The following SLC10A7 variants were observed in gnomAD, a reference collection of about 807,000 sequenced individuals.
The protein encoded by SLC10A7 is sodium/bile acid cotransporter 7.
SLC10A7 carries 29 observed loss-of-function variants against 43.2 expected under a neutral mutation model. That is an observed-to-expected ratio of 0.67 (90% CI 0.50 to 0.92). The LOEUF (loss-of-function observed/expected upper bound fraction) is 0.92, where lower values mean the gene tolerates loss of function less well. SLC10A7 is among the 40% of genes least tolerant of loss of function. SLC10A7 has a pLI of 0.00. For synonymous variants in SLC10A7, 152 were observed against 144.8 expected (o/e 1.05, Z -0.35); for missense variants, 295 against 403.2 (o/e 0.73, Z 2.30).
chr4:146,356,049 A>T (rs7666619), intron 5 of SLC10A7, among the ~76,000 whole-genome samples: 15,533 of 120,320 alleles, frequency 0.13, 937 homozygotes, highest in African/African-American at 0.17. Context: ...TAAAAAAAAA[A>T]AAATATATAT....
chr4:146,487,410 A>C (rs1490975236), intron 4 of SLC10A7, among the ~76,000 whole-genome samples: 3 of 152,292 alleles, frequency 2.0e-5, no homozygotes, highest in Middle Eastern at 6.8e-3. Flanking sequence ...CACTCCTCAG[A>C]ATTTTAATTC....
intron 9 of SLC10A7, among the ~76,000 whole-genome samples, chr4:146,285,813 A>C (rs1321916079): frequency 1.3e-5 from 2 of 152,100 alleles, no homozygotes; most frequent in Non-Finnish European, 2.9e-5. Flanking sequence ...GAGTGGTGAG[A>C]AAGACTGTGT....
intron 7 of SLC10A7, among the ~76,000 whole-genome samples, chr4:146,305,296 A>C (rs929927038): frequency 6.6e-6 from 1 of 151,474 alleles, no homozygotes; most frequent in Non-Finnish European, 1.5e-5. Context: ...GAAACTGGAA[A>C]TCATCATTCT....
intron 5 of SLC10A7, among the ~76,000 whole-genome samples, chr4:146,437,766 A>G (rs1730312818): frequency 6.6e-6 from 1 of 152,022 alleles, no homozygotes; most frequent in African/African-American, 2.4e-5. Flanking sequence ...AACATTTGAG[A>G]TTCTTGATCT....
chr4:146,364,478 GAATATGGATAGA>G (rs1054891316), intron 5 of SLC10A7, among the ~76,000 whole-genome samples: 168 of 152,172 alleles, frequency 1.1e-3, no homozygotes, highest in Middle Eastern at 3.4e-3. Flanking sequence ...TAGATTTGCA[GAATATGGATAGA>G]AATGGAAGAC....
chr4:146,471,029 G>A (rs1434077984), intron 4 of SLC10A7, among the ~76,000 whole-genome samples: 3 of 152,150 alleles, frequency 2.0e-5, no homozygotes, highest in African/African-American at 7.2e-5. Context: ...ATAAACAAAT[G>A]ATTACACATT....
intron 5 of SLC10A7, among the ~76,000 whole-genome samples, chr4:146,416,780 C>A (rs187896909): frequency 6.6e-6 from 1 of 152,218 alleles, no homozygotes; most frequent in African/African-American, 2.4e-5. Context: ...TAATCTGGAC[C>A]CTTATTACAT....
intron 6 of SLC10A7, among the ~76,000 whole-genome samples, chr4:146,307,922 A>G (rs1201417979): frequency 6.6e-6 from 1 of 152,196 alleles, no homozygotes; most frequent in African/African-American, 2.4e-5. Flanking sequence ...TGGGTTTTAA[A>G]AAGTATTATA....
chr4:146,424,551 T>C (rs1180673600), intron 5 of SLC10A7, among the ~76,000 whole-genome samples: 1 of 151,638 alleles, frequency 6.6e-6, no homozygotes, highest in Non-Finnish European at 1.5e-5. Context: ...TCCCAGCTAC[T>C]CAGGAGGCTG....
At chr4:146,381,799 G>C (rs1477211283) in intron 5 of SLC10A7, among the ~76,000 whole-genome samples, 1 of 152,074 alleles carries the variant, frequency 6.6e-6, no homozygotes, top group African/African-American at 2.4e-5. Context: ...GCTAGCCCCT[G>C]AGACAGCCAG....
At chr4:146,423,476 G>C (rs1333685017) in intron 5 of SLC10A7, among the ~76,000 whole-genome samples, 1 of 152,132 alleles carries the variant, frequency 6.6e-6, no homozygotes. Flanking sequence ...GTCAAACTTT[G>C]GATTTGTCAA....
chr4:146,360,216 TG>T (rs1347365749), intron 5 of SLC10A7, among the ~76,000 whole-genome samples: 1 of 133,276 alleles, frequency 7.5e-6, no homozygotes, highest in Non-Finnish European at 1.6e-5. Flanking sequence ...AAGCCACTGT[TG>T]TTTTTCCTCT....
intron 5 of SLC10A7, among the ~76,000 whole-genome samples, chr4:146,344,305 A>G (rs2149732341): frequency 6.6e-6 from 1 of 152,192 alleles, no homozygotes; most frequent in East Asian, 1.9e-4. Context: ...CTAAACACTC[A>G]CAGGAATCTC....
At position 146,326,139 on chromosome 4, in the gene SLC10A7, C is replaced by T. The variant is rs1385845; in HGVS notation, c.436-143G>A. Reference sequence around the variant, plus strand: ...TCTAGGAGATAAAGAGGGGAGAGTCCCAATCTTAGCTTTCTCTTCCATAAT... The same window carrying T: ...TCTAGGAGATAAAGAGGGGAGAGTCTCAATCTTAGCTTTCTCTTCCATAAT... On this transcript the variant is annotated intron_variant, in intron 5 of 11. Transcript: ENST00000335472. 6.9e-3 allele frequency: 4,548 copies of T among 654,784 alleles called. 155 individuals are homozygous for T. The African/African-American group carries it at 0.075, about 11-fold the overall frequency. The allele number at this position is 654,784 out of a possible 1,614,324, so 40.6% of individuals were successfully genotyped here.
At chr4:146,434,916 T>C (rs545507219) in intron 5 of SLC10A7, among the ~76,000 whole-genome samples, 51 of 152,166 alleles carry the variant, frequency 3.4e-4, no homozygotes, top group Non-Finnish European at 6.6e-4. Context: ...TGCAGTTACC[T>C]GGAGGCGATT....
intron 9 of SLC10A7, 36 bp from the exon 10 acceptor site, chr4:146,283,301 TA>T: frequency 6.4e-7 from 1 of 1,566,858 alleles, no homozygotes; most frequent in South Asian, 1.1e-5. Flanking sequence ...AATACTTTTA[TA>T]AAAAGCCAAT....
chr4:146,442,011 G>A (rs1730639750), intron 5 of SLC10A7: 1 of 978,156 alleles, frequency 1.0e-6, no homozygotes, highest in South Asian at 4.7e-5. Context: ...CTACATATCT[G>A]CTAATGAGTT....
chr4:146,451,246 A>AAAAC (rs1288399847), intron 4 of SLC10A7, among the ~76,000 whole-genome samples: 1 of 149,562 alleles, frequency 6.7e-6, no homozygotes, highest in African/African-American at 2.5e-5. Flanking sequence ...AAAAAAAAAA[A>AAAAC]AAAACAAAAA....
At chr4:146,466,331 G>C (rs1733031790) in intron 4 of SLC10A7, among the ~76,000 whole-genome samples, 1 of 152,154 alleles carries the variant, frequency 6.6e-6, no homozygotes, top group Non-Finnish European at 1.5e-5. Context: ...AGATTTAAAA[G>C]AGTAAAAGCA....
Sources: allele counts gnomAD v4.1 joint callset (sites outside exome capture counted in the v4.1 genomes callset), GRCh38; gene constraint gnomAD v4.1.1; transcripts MANE v1.5; gene names NCBI Gene and HGNC (gene_info 2026-07-23, HGNC 2026-07-21).